Variants in PCDHGB1 observed in about 807,000 individuals in gnomAD.
PCDHGB1 encodes protocadherin gamma subfamily B, 1.
A neutral mutation model predicts 56.6 loss-of-function variants in PCDHGB1; 34 were observed. The observed-to-expected ratio is 0.60, with a 90% CI of 0.46 to 0.80. PCDHGB1 has a LOEUF of 0.80. Among genes scored for constraint, PCDHGB1 ranks in the 30% least tolerant of loss-of-function variants. The probability of loss-of-function intolerance (pLI) is 0.00; values close to 1 mark genes in which losing one functional copy is unlikely to be tolerated. For missense variants in PCDHGB1, 1,278 were observed against 1,204.6 expected (o/e 1.06, Z -0.90); for synonymous variants, 561 against 505.9 (o/e 1.11, Z -1.46).
chr5:141,384,670 G>A, intron 1 of PCDHGB1: 1 of 1,614,220 alleles, frequency 6.2e-7, no homozygotes. Context: ...GGTGACCAAG[G>A]TGGTGGCGGT....
chr5:141,386,522 C>CG (rs1554089719), intron 1 of PCDHGB1, among the ~76,000 whole-genome samples: 3 of 152,174 alleles, frequency 2.0e-5, no homozygotes, highest in Admixed American at 2.0e-4. Context: ...CAAAAAAAGA[C>CG]TCTTTTTAGA....
chr5:141,476,236 AAG>A lies in PCDHGB1; in HGVS notation c.2410-18565_2410-18564del. ...TCATTCACTATGAGATCCCGGAGGA[AAG>A]AGAGAAGGGTTTCGCTGTGGGCAAC... is the stretch of plus-strand genomic sequence containing the variant. On this transcript the variant is annotated intron_variant, in intron 1 of 3. Transcript: ENST00000523390. The surrounding 1 kb of genome is among the most constrained non-coding windows in gnomAD (Gnocchi z 7.6). 2.5e-6 allele frequency: 4 copies of A among 1,613,980 alleles called. No individual in the cohort carries two copies. Among genetic ancestry groups the A allele is most frequent in the Non-Finnish European group, 3.4e-6 (4 of 1,180,004 alleles).
chr5:141,421,174 C>T (rs2096550677), intron 1 of PCDHGB1: 2 of 1,378,742 alleles, frequency 1.5e-6, no homozygotes, highest in Non-Finnish European at 1.9e-6. Flanking sequence ...ATACATAAGC[C>T]GATTCACAAC....
intron 1 of PCDHGB1, among the ~76,000 whole-genome samples, chr5:141,359,447 C>A (rs1761214361): frequency 6.6e-6 from 1 of 151,116 alleles, no homozygotes; most frequent in Non-Finnish European, 1.5e-5. Flanking sequence ...TTTCTTTTAG[C>A]AAATAACAAT....
At chr5:141,399,146 G>C (rs758823968) in intron 1 of PCDHGB1, 1 of 1,613,792 alleles carries the variant, frequency 6.2e-7, no homozygotes, top group South Asian at 1.1e-5. Context: ...AATGACAATA[G>C]CCCAGAAGTT....
At chr5:141,423,160 G>A (rs1272708122) in intron 1 of PCDHGB1, 16 of 1,613,046 alleles carry the variant, frequency 9.9e-6, no homozygotes, top group Non-Finnish European at 1.2e-5. Flanking sequence ...GAGCCTCGTG[G>A]TGGCCGTCCA....
chr5:141,442,119 C>T (rs563017984), intron 1 of PCDHGB1: 1 of 166,262 alleles, frequency 6.0e-6, no homozygotes, highest in African/African-American at 2.4e-5. Context: ...CCCCTCGTCG[C>T]CGACAGCCTG....
chr5:141,477,901 C>T lies in PCDHGB1; in HGVS notation c.2410-16906C>T, dbSNP rs2099423750. ...GCCACCTAGTGTCACGGGTGGTAGG[C>T]TGGGACGCGGATGCAGGGCACAATG... On this transcript the variant is annotated intron_variant, in intron 1 of 3. Transcript: ENST00000523390. The surrounding 1 kb of genome is among the most constrained non-coding windows in gnomAD (Gnocchi z 4.9). The T allele has an allele frequency of 1.9e-6, 3 of 1,614,188 alleles. No homozygotes were observed. The highest frequency in any genetic ancestry group is 2.5e-6 in the Non-Finnish European group (3 of 1,180,042).
rs980944782 is a variant in PCDHGB1 at position 141,487,625 on chromosome 5, T to C, written c.2410-7182T>C. On this transcript the variant is annotated intron_variant, in intron 1 of 3. Coordinates refer to ENST00000523390, the MANE Select transcript of PCDHGB1 (RefSeq NM_018922.3). This position sits in a 1 kb window ranked among gnomAD's most constrained non-coding sequence, Gnocchi z 5.0. ...TCTCTATGGGCTAGAGGTGAGACCT[T>C]TGCAGGCTCAACAAATGCTTGAGGG... 4 of 1,614,090 alleles carry C rather than the reference T, an allele frequency of 2.5e-6. No homozygotes were observed. Among genetic ancestry groups the C allele is most frequent in the Admixed American group, 3.3e-5 (2 of 60,004 alleles).
At chr5:141,404,819 A>G in intron 1 of PCDHGB1, 1 of 1,608,430 alleles carries the variant, frequency 6.2e-7, no homozygotes, top group South Asian at 1.1e-5. Flanking sequence ...GGGGCTGCAC[A>G]CAGGTGAAGT....
chr5:141,372,767 T>C, intron 1 of PCDHGB1: 1 of 1,612,184 alleles, frequency 6.2e-7, no homozygotes, highest in Non-Finnish European at 8.5e-7. Flanking sequence ...TTGAAAGTAA[T>C]GACAATCCAG....
intron 1 of PCDHGB1, among the ~76,000 whole-genome samples, chr5:141,373,529 AG>A (rs1769656388): frequency 6.6e-6 from 1 of 152,196 alleles, no homozygotes; most frequent in African/African-American, 2.4e-5. Context: ...TCTCCAAAAA[AG>A]TGTTTGTGGT....
intron 1 of PCDHGB1, chr5:141,410,775 T>A: frequency 1.0e-6 from 1 of 998,978 alleles, no homozygotes. Flanking sequence ...TAGTTTTCAC[T>A]ATGTATTTGG....
At chr5:141,456,214 G>C (rs552287407) in intron 1 of PCDHGB1, among the ~76,000 whole-genome samples, 8 of 152,136 alleles carry the variant, frequency 5.3e-5, no homozygotes, top group Non-Finnish European at 7.4e-5. Context: ...CCTCCCTGTG[G>C]CGATATCAAA....
intron 1 of PCDHGB1, chr5:141,399,510 C>T: frequency 6.2e-7 from 1 of 1,614,040 alleles, no homozygotes; most frequent in Non-Finnish European, 8.5e-7. Context: ...CCGAAAACAA[C>T]CCTCCTGGGG....
At chr5:141,371,175 G>C (rs753971437) in intron 1 of PCDHGB1, 2 of 1,613,886 alleles carry the variant, frequency 1.2e-6, no homozygotes, top group African/African-American at 2.7e-5. Context: ...TGGCTCCTCC[G>C]TATTAAAAGT....
Position 141,484,782 on chromosome 5 carries a change from C to A in PCDHGB1, c.2410-10025C>A, listed in dbSNP as rs572593816. 2.0e-5 allele frequency among the ~76,000 whole-genome samples: 3 copies of A among 152,066 alleles called. No homozygotes were observed. In the South Asian group the frequency reaches 6.3e-4, roughly 32 times the overall value. On this transcript the variant is annotated intron_variant, in intron 1 of 3. Transcript: ENST00000523390. Reference sequence around the variant, plus strand: ...TATATATATGTTGTCTGCCTCCCCACAGAGATAACAACCCGTGGAAAAACA... The same window carrying A: ...TATATATATGTTGTCTGCCTCCCCAAAGAGATAACAACCCGTGGAAAAACA...
intron 1 of PCDHGB1, chr5:141,410,413 TG>T: frequency 6.2e-7 from 1 of 1,614,056 alleles, no homozygotes; most frequent in Non-Finnish European, 8.5e-7. Flanking sequence ...AGTCTGGACC[TG>T]TAGTTCCCCC....
intron 1 of PCDHGB1, chr5:141,478,533 C>G: frequency 6.2e-7 from 1 of 1,608,070 alleles, no homozygotes; most frequent in African/African-American, 1.3e-5. Context: ...GCAGAGAGCG[C>G]CCCTCCCGGA....
Sources: allele counts gnomAD v4.1 joint callset (sites outside exome capture counted in the v4.1 genomes callset), GRCh38; gene constraint gnomAD v4.1.1; non-coding constraint Gnocchi (gnomAD v3.1); transcripts MANE v1.5; gene names NCBI Gene and HGNC (gene_info 2026-07-23, HGNC 2026-07-21).